Variants in SCHIP1 observed in about 807,000 individuals in gnomAD.
The protein encoded by SCHIP1 is schwannomin-interacting protein 1.
In SCHIP1, 8 loss-of-function variants were observed where a neutral mutation model predicts 29.7. The ratio of observed to expected loss-of-function variants is 0.27; its 90% CI spans 0.16 to 0.49. The LOEUF (loss-of-function observed/expected upper bound fraction) is 0.49, where lower values mean the gene tolerates loss of function less well. Among genes scored for constraint, SCHIP1 ranks in the 20% least tolerant of loss-of-function variants. The probability of loss-of-function intolerance (pLI) is 0.99; values close to 1 mark genes in which losing one functional copy is unlikely to be tolerated. For synonymous variants in SCHIP1, 76 were observed against 94.9 expected, an observed-to-expected ratio of 0.80 and a Z score of 1.16; for missense variants, 193 against 294.6, an observed-to-expected ratio of 0.66 and a Z score of 2.52.
the SCHIP1 span, among the ~76,000 whole-genome samples, chr3:159,802,402 A>C: frequency 6.6e-6 from 1 of 152,226 alleles, no homozygotes; most frequent in East Asian, 1.9e-4. Flanking sequence ...GATAGCAGAC[A>C]TTTAAGAGGT....
intron 5 of SCHIP1, among the ~76,000 whole-genome samples, chr3:159,890,012 G>A (rs1036289364): frequency 3.3e-5 from 5 of 151,322 alleles, no homozygotes; most frequent in Non-Finnish European, 5.9e-5. Context: ...GGAGAATGGC[G>A]TGAACCCGGG....
the SCHIP1 span, chr3:159,765,095 A>G: frequency 2.5e-6 from 4 of 1,572,496 alleles, no homozygotes; most frequent in African/African-American, 4.1e-5. Context: ...TTCCGGGAGC[A>G]GGAGGTACGG....
chr3:159,319,963 C>T, the SCHIP1 span, among the ~76,000 whole-genome samples: 1 of 152,092 alleles, frequency 6.6e-6, no homozygotes, highest in African/African-American at 2.4e-5. Flanking sequence ...ATGCTCAAAA[C>T]CTTTGTGTCC....
the SCHIP1 span, among the ~76,000 whole-genome samples, chr3:159,307,613 T>C: frequency 6.6e-6 from 1 of 152,198 alleles, no homozygotes; most frequent in African/African-American, 2.4e-5. Flanking sequence ...TTGCAATTGC[T>C]TCTGAGGACT....
chr3:159,714,942 C>T, the SCHIP1 span, among the ~76,000 whole-genome samples: 1 of 152,264 alleles, frequency 6.6e-6, no homozygotes, highest in Non-Finnish European at 1.5e-5. Context: ...GACTGACTGC[C>T]TCCTCAAGTG....
At chr3:159,527,733 G>T in the SCHIP1 span, among the ~76,000 whole-genome samples, 1 of 152,040 alleles carries the variant, frequency 6.6e-6, no homozygotes, top group Admixed American at 6.5e-5. Context: ...TGCATTTGGA[G>T]TAGTTTTTTT....
the SCHIP1 span, among the ~76,000 whole-genome samples, chr3:159,428,051 G>T: frequency 6.6e-6 from 1 of 152,096 alleles, no homozygotes; most frequent in Non-Finnish European, 1.5e-5. Flanking sequence ...AATTCAAGAT[G>T]GATTAAAGAC....
chr3:159,851,537 C>T (rs1712635758), intron 1 of SCHIP1, among the ~76,000 whole-genome samples: 1 of 131,636 alleles, frequency 7.6e-6, no homozygotes, highest in Non-Finnish European at 1.6e-5. Context: ...CACATAGCAA[C>T]CCCTCCCTCA....
chr3:159,468,842 C>T, the SCHIP1 span, among the ~76,000 whole-genome samples: 1 of 150,184 alleles, frequency 6.7e-6, no homozygotes, highest in Non-Finnish European at 1.5e-5. Flanking sequence ...TCTCAGCTCA[C>T]TGCAAGCTCT....
chr3:159,720,039 T>A, the SCHIP1 span, among the ~76,000 whole-genome samples: 1 of 152,168 alleles, frequency 6.6e-6, no homozygotes. Flanking sequence ...CACCATGGAA[T>A]ACTATGCAGC....
At chr3:159,476,794 C>T in the SCHIP1 span, among the ~76,000 whole-genome samples, 1 of 152,042 alleles carries the variant, frequency 6.6e-6, no homozygotes, top group Non-Finnish European at 1.5e-5. Context: ...CCTCATGTAT[C>T]TACCATTTTG....
chr3:159,300,306 T>A, the SCHIP1 span, among the ~76,000 whole-genome samples: 80 of 150,542 alleles, frequency 5.3e-4, no homozygotes, highest in African/African-American at 1.8e-3. Flanking sequence ...TTAAAAAGAT[T>A]TTTTTTTTGT....
At chr3:159,874,039 A>G (rs1715531322) in intron 2 of SCHIP1, among the ~76,000 whole-genome samples, 1 of 152,208 alleles carries the variant, frequency 6.6e-6, no homozygotes, top group South Asian at 2.1e-4. Flanking sequence ...AGTCTTTATT[A>G]ATAGATATCT....
chr3:159,838,423 C>T (rs1057215744), upstream of SCHIP1, among the ~76,000 whole-genome samples: 1 of 152,004 alleles, frequency 6.6e-6, no homozygotes, highest in African/African-American at 2.4e-5. Context: ...AGTGAAACTG[C>T]GTGGTTAATG....
chr3:159,617,210 G>T, the SCHIP1 span, among the ~76,000 whole-genome samples: 2 of 152,162 alleles, frequency 1.3e-5, no homozygotes, highest in Admixed American at 1.3e-4. Flanking sequence ...ACCTGTTGAG[G>T]TAGAGAGAAA....
chr3:159,684,163 C>G, the SCHIP1 span, among the ~76,000 whole-genome samples: 1 of 152,140 alleles, frequency 6.6e-6, no homozygotes, highest in East Asian at 1.9e-4. Context: ...GCCAATATTT[C>G]TCTTGCTCTA....
the SCHIP1 span, among the ~76,000 whole-genome samples, chr3:159,500,336 C>T: frequency 5.3e-5 from 8 of 152,110 alleles, no homozygotes; most frequent in African/African-American, 1.9e-4. Flanking sequence ...ATATTGTTGA[C>T]ATTCCTTAAA....
At chr3:159,542,285 A>G in the SCHIP1 span, among the ~76,000 whole-genome samples, 1 of 152,094 alleles carries the variant, frequency 6.6e-6, no homozygotes, top group African/African-American at 2.4e-5. Flanking sequence ...TACTTTTGAC[A>G]TATGTATACA....
the SCHIP1 span, among the ~76,000 whole-genome samples, chr3:159,509,850 T>TG: frequency 6.6e-6 from 1 of 152,246 alleles, no homozygotes; most frequent in African/African-American, 2.4e-5. Context: ...GTTAGTCTGA[T>TG]GGGCTTCCCT....
Sources: gnomAD v4.1 joint callset for allele counts (sites outside exome capture counted in the v4.1 genomes callset) on GRCh38, gnomAD v4.1.1 for gene constraint, MANE v1.5 for transcripts, NCBI Gene and HGNC (gene_info 2026-07-23, HGNC 2026-07-21) for gene names.